CEP128: variants seen among roughly 807,000 people sequenced by gnomAD.
CEP128 encodes centrosomal protein 128kDa.
In CEP128, 132 loss-of-function variants were observed where a neutral mutation model predicts 156.7. The observed-to-expected ratio is 0.84, with a 90% CI of 0.73 to 0.97. The LOEUF (loss-of-function observed/expected upper bound fraction) is 0.97. Among genes scored for constraint, CEP128 ranks in the 50% least tolerant of loss-of-function variants. The probability of loss-of-function intolerance (pLI) is 0.00; values close to 1 mark genes in which losing one functional copy is unlikely to be tolerated. For missense variants in CEP128, 1,252 were observed against 1,281.9 expected (o/e 0.98, Z 0.36); for synonymous variants, 469 against 448.9 (o/e 1.04, Z -0.57).
At chr14:80,506,410 AT>A (rs11417550) in intron 23 of CEP128, among the ~76,000 whole-genome samples, 1,669 of 137,722 alleles carry the variant, frequency 0.012, 34 homozygotes, top group African/African-American at 0.043. Flanking sequence ...GCTTTGATTT[AT>A]TTTTTTTTTT....
chr14:80,637,807 TAAAAGA>T (rs539792787), intron 19 of CEP128, among the ~76,000 whole-genome samples: 7 of 151,874 alleles, frequency 4.6e-5, no homozygotes, highest in Non-Finnish European at 8.8e-5. Context: ...AGTGTCCTTA[TAAAAGA>T]AAAAGAGAGA....
At chr14:80,491,735 T>C (rs529961242), downstream of CEP128, among the ~76,000 whole-genome samples, 86 of 152,300 alleles carry the variant, frequency 5.6e-4, no homozygotes, top group Non-Finnish European at 9.7e-4. Context: ...ATAAAGAACA[T>C]GAAGGATTAC....
chr14:80,569,094 T>C (rs1000045554), intron 20 of CEP128, among the ~76,000 whole-genome samples: 4 of 152,180 alleles, frequency 2.6e-5, no homozygotes, highest in Non-Finnish European at 4.4e-5. Flanking sequence ...AGCTCTATTA[T>C]CTTAAAGTAA....
At chr14:80,725,556 T>C (rs1897991350) in intron 19 of CEP128, among the ~76,000 whole-genome samples, 1 of 152,126 alleles carries the variant, frequency 6.6e-6, no homozygotes, top group Non-Finnish European at 1.5e-5. Flanking sequence ...AAGTTCCCTC[T>C]ATTTCACATT....
chr14:80,639,226 A>G (rs1298583082), intron 19 of CEP128, among the ~76,000 whole-genome samples: 1 of 152,230 alleles, frequency 6.6e-6, no homozygotes, highest in African/African-American at 2.4e-5. Context: ...CTATTATACA[A>G]AAATAATTCA....
intron 23 of CEP128, among the ~76,000 whole-genome samples, chr14:80,506,214 T>G (rs1191508022): frequency 6.6e-6 from 1 of 151,546 alleles, no homozygotes; most frequent in Non-Finnish European, 1.5e-5. Context: ...CAAGTAAGTG[T>G]GGAGGTGAGA....
chr14:80,758,973 G>A (rs534914333), intron 17 of CEP128, among the ~76,000 whole-genome samples: 8 of 152,264 alleles, frequency 5.3e-5, no homozygotes, highest in South Asian at 2.1e-4. Context: ...AAAGCCCATC[G>A]TCTTCATGCT....
At chr14:80,757,576 CA>C (rs1449342867) in intron 17 of CEP128, among the ~76,000 whole-genome samples, 3 of 152,214 alleles carry the variant, frequency 2.0e-5, no homozygotes, top group Non-Finnish European at 4.4e-5. Flanking sequence ...AAACTGTATT[CA>C]AAGTTGGCAA....
intron 2 of CEP128, among the ~76,000 whole-genome samples, chr14:80,918,356 A>C (rs1322209859): frequency 3.4e-4 from 52 of 152,310 alleles, no homozygotes; most frequent in Non-Finnish European, 1.5e-5. Flanking sequence ...CTTCCCATCA[A>C]GCATTTTCCA....
rs1269090189 is a variant in CEP128 at position 80,941,642 on chromosome 14, C to T, written c.-233G>A. 1 of 152,744 alleles carries T rather than the reference C, an allele frequency of 6.5e-6. No homozygotes were observed. Among genetic ancestry groups the T allele is most frequent in the African/African-American group, 2.4e-5 (1 of 41,420 alleles). The allele number at this position is 152,744 out of a possible 1,614,324, so 9.5% of individuals were successfully genotyped here. On this transcript the variant is annotated 5_prime_UTR_variant, in exon 1 of 25. Coordinates refer to ENST00000555265, the MANE Select transcript of CEP128 (RefSeq NM_152446.5). ...ATCATCGCCTAGGCCCCACCCGGCT[C>T]CCGCGGCTACCAGTGACCCAGAAGG...
intron 8 of CEP128, among the ~76,000 whole-genome samples, chr14:80,890,328 T>A (rs533480573): frequency 9.8e-4 from 150 of 152,288 alleles, no homozygotes; most frequent in Non-Finnish European, 1.9e-3. Flanking sequence ...CATGCACATG[T>A]ATGTTTATTG....
chr14:80,518,630 T>G (rs1439548739), intron 23 of CEP128, among the ~76,000 whole-genome samples: 1 of 152,196 alleles, frequency 6.6e-6, no homozygotes, highest in African/African-American at 2.4e-5. Context: ...AGTTTTTTCT[T>G]CATATATTTT....
chr14:80,592,277 CAG>C (rs1892108793), intron 19 of CEP128, among the ~76,000 whole-genome samples: 1 of 151,938 alleles, frequency 6.6e-6, no homozygotes, highest in Non-Finnish European at 1.5e-5. Flanking sequence ...AGGTAGAAAA[CAG>C]GGGAGAATCA....
chr14:80,497,685 C>A (rs1259183138), intron 24 of CEP128, 103 bp from the exon 25 acceptor site: 1 of 715,094 alleles, frequency 1.4e-6, no homozygotes, highest in South Asian at 1.7e-5. Context: ...GGTATTTGAT[C>A]GAGTTTTCTA....
At chr14:80,546,414 G>A (rs1463993605) in intron 21 of CEP128, among the ~76,000 whole-genome samples, 3 of 152,150 alleles carry the variant, frequency 2.0e-5, no homozygotes, top group Non-Finnish European at 4.4e-5. Context: ...ACCTTACCCT[G>A]TCACTTAATT....
At chr14:80,694,169 A>G (rs10143746) in intron 19 of CEP128, among the ~76,000 whole-genome samples, 6,709 of 152,264 alleles carry the variant, frequency 0.044, 302 homozygotes, top group African/African-American at 0.12. Flanking sequence ...GCTCATCAAC[A>G]CTGGCCATTA....
At chr14:80,691,131 T>C (rs898422277) in intron 19 of CEP128, among the ~76,000 whole-genome samples, 2 of 152,220 alleles carry the variant, frequency 1.3e-5, no homozygotes, top group Non-Finnish European at 2.9e-5. Flanking sequence ...AGTATGTTAA[T>C]TTTATGCTAA....
At chr14:80,690,947 T>C (rs1896701686) in intron 19 of CEP128, among the ~76,000 whole-genome samples, 1 of 152,160 alleles carries the variant, frequency 6.6e-6, no homozygotes, top group Non-Finnish European at 1.5e-5. Context: ...AACACAAACA[T>C]ACTCTTAATA....
chr14:80,613,608 C>T (rs937464251), intron 19 of CEP128, among the ~76,000 whole-genome samples: 1 of 151,886 alleles, frequency 6.6e-6, no homozygotes, highest in African/African-American at 2.4e-5. Context: ...CGCGCCTGGC[C>T]GGAGAACATT....
Sources: allele counts gnomAD v4.1 joint callset (sites outside exome capture counted in the v4.1 genomes callset), GRCh38; gene constraint gnomAD v4.1.1; transcripts MANE v1.5; gene names NCBI Gene and HGNC (gene_info 2026-07-23, HGNC 2026-07-21).